Variants in GPC3 observed in about 807,000 individuals in gnomAD.
GPC3 encodes the protein glypican-3.
GPC3 carries 3 observed loss-of-function variants against 34.4 expected under a neutral mutation model. That is an observed-to-expected ratio of 0.09 (90% CI 0.04 to 0.23). The LOEUF (loss-of-function observed/expected upper bound fraction) is 0.23, where lower values mean the gene tolerates loss of function less well. GPC3 is among the 10% of genes least tolerant of loss of function. The pLI is 1.00. For missense variants in GPC3, 351 were observed against 445.6 expected, an observed-to-expected ratio of 0.79 and a Z score of 1.91; for synonymous variants, 177 against 174.0, an observed-to-expected ratio of 1.02 and a Z score of -0.13.
intron 2 of GPC3, among the ~76,000 whole-genome samples, chrX:133,915,744 C>T (rs1432854538): frequency 8.9e-6 from 1 of 111,979 alleles, no homozygotes; most frequent in East Asian, 2.8e-4. Flanking sequence ...TCATAGCTAC[C>T]TAATAATGAA....
intron 2 of GPC3, among the ~76,000 whole-genome samples, chrX:133,895,935 T>C (rs2076110064): frequency 9.0e-6 from 1 of 111,725 alleles, no homozygotes; most frequent in African/African-American, 3.3e-5. Context: ...AACTTTTCAC[T>C]CTATATAAAA....
At chrX:133,959,001 T>G (rs1165254939) in intron 1 of GPC3, among the ~76,000 whole-genome samples, 1 of 112,192 alleles carries the variant, frequency 8.9e-6, no homozygotes, top group African/African-American at 3.2e-5. Context: ...TCTCGCACAT[T>G]GGGTCCAGTC....
At chrX:133,979,886 C>T (rs1164698702) in intron 1 of GPC3, among the ~76,000 whole-genome samples, 1 of 111,563 alleles carries the variant, frequency 9.0e-6, no homozygotes, top group Admixed American at 9.6e-5. Flanking sequence ...AACATCTAAC[C>T]CATTTACAAG....
chrX:133,878,537 A>G (rs2076027407), intron 2 of GPC3, among the ~76,000 whole-genome samples: 1 of 112,542 alleles, frequency 8.9e-6, no homozygotes, highest in African/African-American at 3.2e-5. Context: ...TGTGTTTCTG[A>G]AAAGAACTGT....
chrX:133,769,262 A>G (rs1481609475), intron 2 of GPC3, among the ~76,000 whole-genome samples: 1 of 112,053 alleles, frequency 8.9e-6, no homozygotes, highest in Non-Finnish European at 1.9e-5. Context: ...TCATCATTCA[A>G]TTGGTACAAA....
intron 2 of GPC3, among the ~76,000 whole-genome samples, chrX:133,843,711 T>G (rs2075835309): frequency 1.8e-5 from 2 of 109,861 alleles, no homozygotes. Flanking sequence ...AAGCAATGAG[T>G]TTTGGGGTGA....
chrX:133,826,922 G>T (rs781438535), intron 2 of GPC3, among the ~76,000 whole-genome samples: 1 of 111,966 alleles, frequency 8.9e-6, no homozygotes, highest in Admixed American at 9.5e-5. Flanking sequence ...GTCAAACAAA[G>T]AGTCTATATC....
intron 2 of GPC3, among the ~76,000 whole-genome samples, chrX:133,891,613 AAAAT>A (rs774626195): frequency 1.8e-4 from 19 of 107,958 alleles, no homozygotes; most frequent in Non-Finnish European, 2.5e-4. Flanking sequence ...ACAAAAAGTA[AAAAT>A]AAATAAATAA....
At chrX:133,880,685 C>G (rs1005429353) in intron 2 of GPC3, among the ~76,000 whole-genome samples, 4 of 111,597 alleles carry the variant, frequency 3.6e-5, no homozygotes, top group Non-Finnish European at 7.5e-5. Flanking sequence ...TGAGATTTAT[C>G]CAAAGATCAG....
At chrX:133,806,793 C>T (rs1163979250) in intron 2 of GPC3, among the ~76,000 whole-genome samples, 3 of 109,678 alleles carry the variant, frequency 2.7e-5, no homozygotes, top group East Asian at 2.9e-4. Context: ...GGACTACAGG[C>T]GCCCACCACC....
chrX:133,641,173 G>A (rs2070477001), intron 6 of GPC3, among the ~76,000 whole-genome samples: 3 of 110,135 alleles, frequency 2.7e-5, no homozygotes, highest in Non-Finnish European at 3.8e-5. Flanking sequence ...GGAATGAGGA[G>A]GTTAAAAAAA....
intron 2 of GPC3, among the ~76,000 whole-genome samples, chrX:133,857,531 T>C (rs1405000310): frequency 1.8e-5 from 2 of 111,742 alleles, no homozygotes; most frequent in African/African-American, 6.5e-5. Flanking sequence ...CTGGATTTCA[T>C]CTTGGTCCCA....
chrX:133,780,248 G>A (rs1043058421), intron 2 of GPC3, among the ~76,000 whole-genome samples: 3 of 111,527 alleles, frequency 2.7e-5, no homozygotes, highest in Non-Finnish European at 5.6e-5. Flanking sequence ...ATTACAGCTC[G>A]TTTCTCTTTA....
rs148234604 is a variant in GPC3, at chrX:133,933,767, A to T, written c.337+19283T>A. Among the ~76,000 whole-genome samples the T allele has an allele frequency of 8.7e-3, 958 of 110,612 alleles. 15 individuals are homozygous for T. Among genetic ancestry groups the T allele is most frequent in the African/African-American group, 0.03 (916 of 30,424 alleles). On this transcript the variant is annotated intron_variant, in intron 2 of 7. Coordinates refer to ENST00000370818, the MANE Select transcript of GPC3 (RefSeq NM_004484.4). The stretch of plus-strand genomic sequence containing the variant: ...TCCTGCTTCACCTTCCACCATGAGT[A>T]AAAGCTTCCTGAGGCCTCCCCAGAA...
chrX:133,929,551 T>C (rs993150572), intron 2 of GPC3, among the ~76,000 whole-genome samples: 21 of 111,816 alleles, frequency 1.9e-4, no homozygotes, highest in African/African-American at 5.8e-4. Context: ...TTACTCTTTC[T>C]TTTTGGTGGC....
At chrX:133,655,501 CACACCCACA>C (rs1569406953) in intron 6 of GPC3, among the ~76,000 whole-genome samples, 3 of 107,211 alleles carry the variant, frequency 2.8e-5, no homozygotes, top group African/African-American at 1.1e-4. Flanking sequence ...CACACACACA[CACACCCACA>C]CACACACACA....
intron 7 of GPC3, among the ~76,000 whole-genome samples, chrX:133,560,056 G>A (rs2069528341): frequency 8.9e-6 from 1 of 111,805 alleles, no homozygotes; most frequent in African/African-American, 3.3e-5. Flanking sequence ...ACCCAGGGCC[G>A]GATGTTCGGA....
At chrX:133,643,164 G>A (rs1443827328) in intron 6 of GPC3, among the ~76,000 whole-genome samples, 2 of 64,881 alleles carry the variant, frequency 3.1e-5, no homozygotes, top group East Asian at 4.4e-4. Flanking sequence ...TAGATCATGG[G>A]GGCTGTCCCT....
chrX:133,549,931 T>C (rs763843839), intron 7 of GPC3, among the ~76,000 whole-genome samples: 1 of 104,172 alleles, frequency 9.6e-6, no homozygotes, highest in Admixed American at 1.0e-4. Context: ...CCTTTCTCTT[T>C]CTCTTTCTCT....
Sources: allele counts gnomAD v4.1 joint callset (sites outside exome capture counted in the v4.1 genomes callset), GRCh38; gene constraint gnomAD v4.1.1; transcripts MANE v1.5; gene names NCBI Gene and HGNC (gene_info 2026-07-23, HGNC 2026-07-21).